Variants in MORC3 observed in about 807,000 individuals in gnomAD.
MORC3 encodes the protein MORC family CW-type zinc finger protein 3.
Under a neutral mutation model 109.1 loss-of-function variants are expected in MORC3, and 31 were observed. That is an observed-to-expected ratio of 0.28 (90% CI 0.21 to 0.38). MORC3 has a LOEUF of 0.38. MORC3 is among the 10% of genes least tolerant of loss of function. MORC3 has a pLI of 1.00. For synonymous variants in MORC3, 395 were observed against 380.7 expected (o/e 1.04, Z -0.44); for missense variants, 867 against 1,135.8 (o/e 0.76, Z 3.40).
At chr21:36,337,251 T>C (rs2085384199) in intron 3 of MORC3, among the ~76,000 whole-genome samples, 1 of 152,186 alleles carries the variant, frequency 6.6e-6, no homozygotes, top group African/African-American at 2.4e-5. Context: ...TTGTAGTATA[T>C]TTATATCAAT....
chr21:36,366,689 A>T (rs2085785633), intron 14 of MORC3, among the ~76,000 whole-genome samples: 1 of 152,174 alleles, frequency 6.6e-6, no homozygotes, highest in Non-Finnish European at 1.5e-5. Flanking sequence ...TCCTAAGCTC[A>T]GGCAATCTGC....
At chr21:36,366,200 T>G (rs1261315398) in intron 14 of MORC3, among the ~76,000 whole-genome samples, 2 of 151,996 alleles carry the variant, frequency 1.3e-5, no homozygotes, top group African/African-American at 2.4e-5. Context: ...CTCTCCCCAC[T>G]GTAGTGGTCC....
chr21:36,343,841 G>A (rs554150518), intron 6 of MORC3, among the ~76,000 whole-genome samples: 1 of 151,958 alleles, frequency 6.6e-6, no homozygotes, highest in East Asian at 1.9e-4. Flanking sequence ...TTTTTGCTAA[G>A]GTCTTAGCAA....
At chr21:36,327,155 CTTTTTTTTTTTT>C (rs71326674) in intron 1 of MORC3, among the ~76,000 whole-genome samples, 24 of 81,938 alleles carry the variant, frequency 2.9e-4, no homozygotes, top group East Asian at 2.1e-3. Context: ...GGCTTTATTT[CTTTTTTTTTTTT>C]TTTTTTTTTT....
Position 36,359,949 on chromosome 21 carries a change from G to T in MORC3, c.1209-6G>T. 1 of 1,613,992 alleles carries T rather than the reference G, an allele frequency of 6.2e-7. No homozygotes were observed. Among genetic ancestry groups the T allele is most frequent in the Non-Finnish European group, 8.5e-7 (1 of 1,179,948 alleles). ...GTGTTAATATTTTGTTCTTGTTTTG[G>T]GACAGGAAGCGTCCTGATCAGACAT... On this transcript the variant is annotated splice_region_variant and splice_polypyrimidine_tract_variant and intron_variant, in intron 10 of 16. Transcript: ENST00000400485.
chr21:36,326,716 G>A (rs2085251350), intron 1 of MORC3, among the ~76,000 whole-genome samples: 1 of 151,968 alleles, frequency 6.6e-6, no homozygotes, highest in South Asian at 2.1e-4. Flanking sequence ...ATTCATTAAT[G>A]TCTTCACGGT....
rs767171200 is a variant in MORC3, at chr21:36,344,959, T to C, written c.933T>C (p.Asp311=). ...ITFGFNCRNK[D]HYGIMMYHRN... ...TTGGATTCAACTGCAGAAATAAAGA[T>C]CATTATGGGATAATGATGTATCACA... Residue 311 remains aspartate, a synonymous_variant, in exon 8 of 17, where the codon GAT becomes GAC. Coordinates refer to ENST00000400485, the MANE Select transcript of MORC3 (RefSeq NM_015358.3). 1 of 1,611,990 alleles carries C rather than the reference T, an allele frequency of 6.2e-7. No homozygotes were observed. Among genetic ancestry groups the C allele is most frequent in the Non-Finnish European group, 8.5e-7 (1 of 1,179,078 alleles).
rs1244278504 is a variant in MORC3, at chr21:36,324,240, C to G, written c.39+3937C>G. The stretch of plus-strand genomic sequence containing the variant: ...AATGTCTTTTTGAATTCTCCCTGGA[C>G]AAAATGTTCATTCTTATTGCTAGAT... On this transcript the variant is annotated intron_variant, in intron 1 of 16. Transcript: ENST00000400485. Among the ~76,000 whole-genome samples, 52 of 151,404 alleles carry G rather than the reference C, an allele frequency of 3.4e-4. 1 individual carries two copies. The highest frequency in any genetic ancestry group is 3.3e-3 in the Admixed American group (50 of 15,142).
chr21:36,337,357 G>A (rs1252066772), intron 3 of MORC3, among the ~76,000 whole-genome samples: 1 of 152,112 alleles, frequency 6.6e-6, no homozygotes, highest in Non-Finnish European at 1.5e-5. Flanking sequence ...GATTCATGGG[G>A]TGAAATCTCA....
At position 36,338,844 on chromosome 21, in the gene MORC3, G is replaced by C; in HGVS notation, c.531G>C (p.Thr177=). Residue 177 remains threonine, a synonymous_variant, in exon 5 of 17, where the codon ACG becomes ACC. Coordinates refer to ENST00000400485, the MANE Select transcript of MORC3 (RefSeq NM_015358.3). ...AAILEHSLFS[T]EQKLLAELDA... ...TTCTGGAACATTCTCTGTTTTCCACGGAACAGAAGTTACTGGCAGAACTTG... is the reference window on the plus strand; with the variant it reads ...TTCTGGAACATTCTCTGTTTTCCACCGAACAGAAGTTACTGGCAGAACTTG... The C allele has an allele frequency of 1.2e-6, 2 of 1,613,812 alleles. No homozygotes were observed. The highest frequency in any genetic ancestry group is 1.7e-6 in the Non-Finnish European group (2 of 1,179,818).
intron 2 of MORC3, among the ~76,000 whole-genome samples, chr21:36,334,298 G>T (rs2085351238): frequency 6.6e-6 from 1 of 152,148 alleles, no homozygotes. Context: ...AAATTGCATA[G>T]CATAACAGCT....
rs977079055 is a variant in MORC3 at position 36,320,354 on chromosome 21, G to A, written c.39+51G>A. On this transcript the variant is annotated intron_variant, in intron 1 of 16. Coordinates refer to ENST00000400485, the MANE Select transcript of MORC3 (RefSeq NM_015358.3). ...GGCCGTGTCCCAGGAGGGCGGGCGG[G>A]CAAGCGAAGGGGGGCCGGCAGTGGG... 6.9e-6 allele frequency: 9 copies of A among 1,312,032 alleles called. No homozygotes were observed. In the African/African-American group the frequency reaches 1.2e-4, roughly 18 times the overall value. The allele number at this position is 1,312,032 out of a possible 1,614,324, so 81.3% of individuals were successfully genotyped here. A position where few individuals can be genotyped will look rare whatever the true frequency, so the allele number is the denominator to read the frequency against.
chr21:36,343,879 ATAG>A (rs1277807400), intron 6 of MORC3, among the ~76,000 whole-genome samples: 1 of 152,030 alleles, frequency 6.6e-6, no homozygotes, highest in Admixed American at 6.6e-5. Context: ...GTAATAGTAA[ATAG>A]TAGTATTACT....
At chr21:36,338,027 C>G in intron 4 of MORC3, 81 bp downstream of exon 4, 1 of 1,406,564 alleles carries the variant, frequency 7.1e-7, no homozygotes, top group South Asian at 1.2e-5. Context: ...TGCCTTCTTC[C>G]AGATTATTCC....
At chr21:36,368,727 A>G (rs947259049) in intron 14 of MORC3, among the ~76,000 whole-genome samples, 1 of 152,192 alleles carries the variant, frequency 6.6e-6, no homozygotes, top group Non-Finnish European at 1.5e-5. Flanking sequence ...AAATATAAAA[A>G]TTAGCTGGAC....
At chr21:36,345,594 G>T (rs993338853) in intron 8 of MORC3, among the ~76,000 whole-genome samples, 8 of 151,916 alleles carry the variant, frequency 5.3e-5, no homozygotes, top group African/African-American at 1.7e-4. Context: ...GCTAATTTTT[G>T]TATTTTTAGT....
Position 36,349,171 on chromosome 21 carries a change from CAAATAA to C in MORC3, c.1006-126_1006-121del, listed in dbSNP as rs536016697. The C allele has an allele frequency of 6.8e-4, 446 of 651,944 alleles. 1 individual carries two copies. Among genetic ancestry groups the C allele is most frequent in the African/African-American group, 4.2e-3 (217 of 51,764 alleles). 40.4% of individuals were successfully genotyped at this position (651,944 alleles called of 1,614,324 possible). A position where few individuals can be genotyped will look rare whatever the true frequency, so the allele number is the denominator to read the frequency against. On this transcript the variant is annotated intron_variant, in intron 8 of 16. Transcript: ENST00000400485. ...AGACTCTGTCTCAAAAAAATAAAAA[CAAATAA>C]AAATAAAAATAAATGTGATGAGAAT... is the stretch of plus-strand genomic sequence containing the variant.
At chr21:36,335,702 T>C (rs1217314987) in intron 2 of MORC3, among the ~76,000 whole-genome samples, 2 of 152,172 alleles carry the variant, frequency 1.3e-5, no homozygotes, top group Non-Finnish European at 2.9e-5. Flanking sequence ...TGGAGAAGTA[T>C]ACAGAAATAA....
intron 15 of MORC3, among the ~76,000 whole-genome samples, chr21:36,370,123 A>G (rs2085838249): frequency 6.6e-6 from 1 of 152,090 alleles, no homozygotes; most frequent in Non-Finnish European, 1.5e-5. Flanking sequence ...CAGGAGAATC[A>G]CTTGAACCCA....
Sources: gnomAD v4.1 joint callset for allele counts (sites outside exome capture counted in the v4.1 genomes callset) on GRCh38, gnomAD v4.1.1 for gene constraint, MANE v1.5 for transcripts, NCBI Gene and HGNC (gene_info 2026-07-23, HGNC 2026-07-21) for gene names.